The following GPC3 variants were observed in gnomAD, a reference collection of about 807,000 sequenced individuals.
GPC3 encodes the protein glypican 3, also known as glypican-3.
A neutral mutation model predicts 34.4 loss-of-function variants in GPC3; 3 were observed. The observed-to-expected ratio is 0.09, with a 90% confidence interval of 0.04 to 0.23. GPC3 has a LOEUF of 0.23. Among genes scored for constraint, GPC3 ranks in the 10% least tolerant of loss-of-function variants. The pLI is 1.00. For missense variants in GPC3, 351 were observed against 445.6 expected (o/e 0.79, Z 1.91); for synonymous variants, 177 against 174.0 (o/e 1.02, Z -0.13).
At chrX:133,749,829 C>T (rs1383392983) in intron 3 of GPC3, among the ~76,000 whole-genome samples, 3 of 111,308 alleles carry the variant, frequency 2.7e-5, no homozygotes, top group Non-Finnish European at 5.6e-5. Flanking sequence ...TTTAAACCAG[C>T]TTTTGCTTTG....
At chrX:133,537,324 G>C (rs1238692149) in intron 7 of GPC3, among the ~76,000 whole-genome samples, 1 of 112,144 alleles carries the variant, frequency 8.9e-6, no homozygotes, top group African/African-American at 3.2e-5. Flanking sequence ...CTGTCTGGTA[G>C]CCAAGGGAGC....
At chrX:133,541,685 T>G (rs1394098003) in intron 7 of GPC3, among the ~76,000 whole-genome samples, 2 of 111,716 alleles carry the variant, frequency 1.8e-5, no homozygotes, top group Non-Finnish European at 3.8e-5. Flanking sequence ...CTGCATTTTT[T>G]TGTGTGTTGA....
chrX:133,850,186 TG>T (rs2075865727), intron 2 of GPC3, among the ~76,000 whole-genome samples: 1 of 95,628 alleles, frequency 1.0e-5, no homozygotes, highest in Non-Finnish European at 2.0e-5. Flanking sequence ...GTTTGTTTTT[TG>T]GGTTTTGTTT....
chrX:133,649,570 G>A (rs1014367824), intron 6 of GPC3, among the ~76,000 whole-genome samples: 1 of 111,206 alleles, frequency 9.0e-6, no homozygotes, highest in Non-Finnish European at 1.9e-5. Flanking sequence ...TTGGCAATAC[G>A]AAAATTGCTC....
intron 2 of GPC3, among the ~76,000 whole-genome samples, chrX:133,788,461 T>C (rs1273004045): frequency 9.1e-6 from 1 of 109,574 alleles, no homozygotes; most frequent in East Asian, 2.9e-4. Context: ...AGCCTCACTG[T>C]TTCACCTCTG....
At chrX:133,754,273 G>A (rs932668623) in intron 2 of GPC3, 97 bp from the exon 3 acceptor site, 23 of 624,056 alleles carry the variant, frequency 3.7e-5, no homozygotes, top group African/African-American at 3.2e-4. Context: ...TATTGCTGTG[G>A]TGATTAAGGT....
chrX:133,608,305 G>A (rs771711593), intron 6 of GPC3, among the ~76,000 whole-genome samples: 4 of 112,445 alleles, frequency 3.6e-5, no homozygotes, highest in Non-Finnish European at 7.5e-5. Flanking sequence ...AAGCCACAAG[G>A]ACAAAATATA....
chrX:133,804,313 C>T (rs1569436544), intron 2 of GPC3, among the ~76,000 whole-genome samples: 1 of 110,901 alleles, frequency 9.0e-6, no homozygotes, highest in East Asian at 2.8e-4. Flanking sequence ...AAGGAAGAGG[C>T]GGGGATCGAG....
intron 3 of GPC3, among the ~76,000 whole-genome samples, chrX:133,706,498 A>G (rs1368112860): frequency 1.8e-5 from 2 of 110,180 alleles, no homozygotes; most frequent in Non-Finnish European, 3.8e-5. Context: ...ACTTAAATAA[A>G]TCAACAAGCA....
At chrX:133,977,615 C>T (rs767834179) in intron 1 of GPC3, among the ~76,000 whole-genome samples, 2 of 112,168 alleles carry the variant, frequency 1.8e-5, no homozygotes, top group Admixed American at 1.9e-4. Context: ...ACATGATACA[C>T]ACTGTAAGTA....
intron 2 of GPC3, among the ~76,000 whole-genome samples, chrX:133,923,156 T>C (rs2076258721): frequency 9.0e-6 from 1 of 111,090 alleles, no homozygotes; most frequent in African/African-American, 3.3e-5. Context: ...ACACACAGCA[T>C]CCCAAGCGAC....
chrX:133,702,708 C>T (rs979587001), intron 3 of GPC3, among the ~76,000 whole-genome samples: 1 of 111,273 alleles, frequency 9.0e-6, no homozygotes, highest in African/African-American at 3.3e-5. Context: ...CCCAAGCCAC[C>T]CAATATAGTA....
intron 6 of GPC3, among the ~76,000 whole-genome samples, chrX:133,626,984 T>C (rs1237552287): frequency 9.2e-6 from 1 of 108,455 alleles, no homozygotes; most frequent in African/African-American, 3.4e-5. Context: ...ACTATGCAGC[T>C]GTAAAAAAGG....
At chrX:133,579,875 G>A (rs2069718432) in intron 7 of GPC3, among the ~76,000 whole-genome samples, 1 of 112,133 alleles carries the variant, frequency 8.9e-6, no homozygotes, top group East Asian at 2.8e-4. Flanking sequence ...AAACAAGTAC[G>A]GGTTAACAGG....
intron 2 of GPC3, among the ~76,000 whole-genome samples, chrX:133,907,307 T>C (rs781245133): frequency 9.0e-6 from 1 of 111,452 alleles, no homozygotes; most frequent in South Asian, 3.8e-4. Flanking sequence ...TCCCTTCATA[T>C]AAACTGGAAA....
At chrX:133,802,662 C>G (rs1174174910) in intron 2 of GPC3, among the ~76,000 whole-genome samples, 1 of 111,896 alleles carries the variant, frequency 8.9e-6, no homozygotes. Context: ...TAAAACTGTT[C>G]TGAGAACTTC....
At chrX:133,844,987 C>T (rs966817009) in intron 2 of GPC3, among the ~76,000 whole-genome samples, 4 of 111,468 alleles carry the variant, frequency 3.6e-5, no homozygotes, top group Non-Finnish European at 7.5e-5. Flanking sequence ...GTTCAGAAGA[C>T]GGGGAGGTTG....
intron 2 of GPC3, among the ~76,000 whole-genome samples, chrX:133,778,916 T>C (rs1462844510): frequency 8.9e-6 from 1 of 112,297 alleles, no homozygotes; most frequent in African/African-American, 3.2e-5. Context: ...CTTTAGTGTT[T>C]TTTTACCCTC....
chrX:133,898,983 G>C (rs1358219863), intron 2 of GPC3, among the ~76,000 whole-genome samples: 1 of 111,880 alleles, frequency 8.9e-6, no homozygotes, highest in Non-Finnish European at 1.9e-5. Context: ...CTGGTACTGA[G>C]AGTCAACTTC....
Sources: gnomAD v4.1 joint callset for allele counts (sites outside exome capture counted in the v4.1 genomes callset) on GRCh38, gnomAD v4.1.1 for gene constraint, MANE v1.5 for transcripts, NCBI Gene and HGNC (gene_info 2026-07-23, HGNC 2026-07-21) for gene names.